ACSM4: variants seen among roughly 807,000 people sequenced by gnomAD.
ACSM4 encodes acyl-coenzyme A synthetase ACSM4, mitochondrial.
ACSM4 carries 66 observed loss-of-function variants against 73.0 expected under a neutral mutation model. The observed-to-expected ratio is 0.90, with a 90% CI of 0.74 to 1.11. The LOEUF (loss-of-function observed/expected upper bound fraction) is 1.11, where lower values mean the gene tolerates loss of function less well. Ranked by LOEUF, ACSM4 falls within the 50% of genes least tolerant of loss-of-function variation. The pLI is 0.00. For synonymous variants in ACSM4, 222 were observed against 254.0 expected (o/e 0.87, Z 1.20); for missense variants, 645 against 714.4 (o/e 0.90, Z 1.11).
At chr12:7,309,799 T>C (rs1167904093) in intron 2 of ACSM4, among the ~76,000 whole-genome samples, 3 of 152,192 alleles carry the variant, frequency 2.0e-5, no homozygotes, top group African/African-American at 7.2e-5. Flanking sequence ...TGTTTGTTTG[T>C]TTGAGACAGA....
Position 7,324,592 on chromosome 12 carries a change from C to T in ACSM4, c.1530C>T (p.Arg510=), listed in dbSNP as rs765852583. The T allele has an allele frequency of 1.1e-5, 18 of 1,613,616 alleles. No individual in the cohort carries two copies. Among genetic ancestry groups the T allele is most frequent in the Middle Eastern group, 1.6e-4 (1 of 6,082 alleles). The stretch of plus-strand genomic sequence containing the variant: ...TTGTCAGTAGTCCAGATCAAATCCG[C>T]GGAGAGGTAGATGAATGTCATTTAT... ...SAVVSSPDQI[R]GEVVKAFVVL... Residue 510 remains arginine (R), a synonymous_variant, in exon 11 of 13, where the codon CGC becomes CGT. Coordinates refer to ENST00000399422, the MANE Select transcript of ACSM4 (RefSeq NM_001080454.2).
At chr12:7,307,698 G>C (rs1013589746) in intron 2 of ACSM4, among the ~76,000 whole-genome samples, 1 of 152,096 alleles carries the variant, frequency 6.6e-6, no homozygotes, top group African/African-American at 2.4e-5. Flanking sequence ...TGTTGGTTGG[G>C]CATCTATTTA....
At chr12:7,317,314 C>CT in intron 4 of ACSM4, 34 bp downstream of exon 4, 1 of 1,534,604 alleles carries the variant, frequency 6.5e-7, no homozygotes, top group Non-Finnish European at 8.8e-7. Context: ...TTTTGGTGAA[C>CT]TCCCCCAAAG....
intron 5 of ACSM4, 157 bp downstream of exon 5, chr12:7,318,339 G>GT: frequency 1.2e-6 from 1 of 862,474 alleles, no homozygotes; most frequent in Non-Finnish European, 1.7e-6. Flanking sequence ...CTTTTGAAAC[G>GT]TATTTGACAG....
At chr12:7,327,983 T>C (rs1393637479) in intron 12 of ACSM4, among the ~76,000 whole-genome samples, 1 of 152,106 alleles carries the variant, frequency 6.6e-6, no homozygotes, top group East Asian at 1.9e-4. Flanking sequence ...AATCTCCATT[T>C]CTCGGGAACA....
Position 7,324,261 on chromosome 12 carries a change from C to G in ACSM4, c.1309-12C>G, listed in dbSNP as rs367744567. 7.5e-6 allele frequency: 12 copies of G among 1,610,710 alleles called. No homozygotes were observed. The African/African-American group carries it at 1.3e-4, about 18-fold the overall frequency. The stretch of plus-strand genomic sequence containing the variant: ...ACCAGACTAATCCCCAAATGTCATC[C>G]TTGGTTCCCAGGACAATCCACAGAA... On this transcript the variant is annotated splice_polypyrimidine_tract_variant and intron_variant, in intron 9 of 12. Transcript: ENST00000399422.
At chr12:7,323,800 G>A (rs770642628) in intron 9 of ACSM4, among the ~76,000 whole-genome samples, 2 of 152,124 alleles carry the variant, frequency 1.3e-5, no homozygotes, top group Non-Finnish European at 2.9e-5. Flanking sequence ...GTGCAGTTGG[G>A]GGGTGCTAGA....
At chr12:7,325,171 G>A (rs949649548) in intron 11 of ACSM4, among the ~76,000 whole-genome samples, 1 of 152,208 alleles carries the variant, frequency 6.6e-6, no homozygotes, top group Non-Finnish European at 1.5e-5. Flanking sequence ...TGGATCATAC[G>A]TCTATCCTTG....
rs1395277116 is a variant in ACSM4, at chr12:7,324,265, G to A, written c.1309-8G>A. ...GACTAATCCCCAAATGTCATCCTTGGTTCCCAGGACAATCCACAGAAAACT... is the reference window on the plus strand; with the variant it reads ...GACTAATCCCCAAATGTCATCCTTGATTCCCAGGACAATCCACAGAAAACT... On this transcript the variant is annotated splice_region_variant and splice_polypyrimidine_tract_variant and intron_variant, in intron 9 of 12. Coordinates refer to ENST00000399422, the MANE Select transcript of ACSM4 (RefSeq NM_001080454.2). 14 of 1,611,094 alleles carry A rather than the reference G, an allele frequency of 8.7e-6. No homozygotes were observed. Among genetic ancestry groups the A allele is most frequent in the Non-Finnish European group, 6.8e-6 (8 of 1,179,138 alleles).
intron 11 of ACSM4, among the ~76,000 whole-genome samples, chr12:7,325,128 T>C (rs2136339321): frequency 6.6e-6 from 1 of 152,346 alleles, no homozygotes; most frequent in Non-Finnish European, 1.5e-5. Flanking sequence ...ACCAATGTGG[T>C]TCAGAGACTG....
At chr12:7,310,076 C>T (rs934185943) in intron 2 of ACSM4, among the ~76,000 whole-genome samples, 7 of 152,186 alleles carry the variant, frequency 4.6e-5, no homozygotes, top group South Asian at 2.1e-4. Context: ...CCCAAGCCAC[C>T]GCGCCTGGCA....
intron 11 of ACSM4, among the ~76,000 whole-genome samples, chr12:7,326,432 A>C (rs1946506366): frequency 6.6e-6 from 1 of 151,934 alleles, no homozygotes; most frequent in African/African-American, 2.4e-5. Flanking sequence ...CTGGTTTCAA[A>C]CTCCGGGGCT....
chr12:7,318,203 A>G (rs1409947404), intron 5 of ACSM4, 21 bp downstream of exon 5: 1 of 1,610,342 alleles, frequency 6.2e-7, no homozygotes, highest in Admixed American at 1.7e-5. Flanking sequence ...TCCTCCAGCT[A>G]GATAGATCTT....
At chr12:7,322,579 G>A in intron 7 of ACSM4, 38 bp downstream of exon 7, 1 of 1,570,546 alleles carries the variant, frequency 6.4e-7, no homozygotes, top group Non-Finnish European at 8.6e-7. Context: ...TATATGTGGG[G>A]GCCTTTCTGC....
At chr12:7,328,229 C>A in intron 12 of ACSM4, 58 bp from the exon 13 acceptor site, 1 of 1,331,184 alleles carries the variant, frequency 7.5e-7, no homozygotes, top group Non-Finnish European at 1.0e-6. Context: ...CTTCCTATCG[C>A]ACGGACAATT....
intron 4 of ACSM4, 35 bp downstream of exon 4, chr12:7,317,315 T>TC: frequency 6.5e-7 from 1 of 1,533,418 alleles, no homozygotes. Flanking sequence ...TTTGGTGAAC[T>TC]CCCCCAAAGC....
chr12:7,305,604 C>A (rs1265928471), intron 1 of ACSM4, among the ~76,000 whole-genome samples: 1 of 152,136 alleles, frequency 6.6e-6, no homozygotes, highest in Non-Finnish European at 1.5e-5. Context: ...TCCAACAGAA[C>A]ATAAACCCAG....
intron 1 of ACSM4, among the ~76,000 whole-genome samples, chr12:7,305,821 C>T (rs112366215): frequency 6.6e-6 from 1 of 152,202 alleles, no homozygotes; most frequent in Admixed American, 6.5e-5. Flanking sequence ...ATAAAAGAAG[C>T]ATTCCAGATA....
At position 7,323,532 on chromosome 12, in the gene ACSM4, G is replaced by A. The variant is rs370829685; in HGVS notation, c.1280G>A (p.Arg427Gln). The A allele has an allele frequency of 1.6e-5, 26 of 1,613,466 alleles. No individual in the cohort carries two copies. Among genetic ancestry groups the A allele is most frequent in the African/African-American group, 2.7e-5 (2 of 74,872 alleles). ...GEIALRLKPT[R>Q]PFCFFSKYVD... ...ATTGCCCTCAGACTCAAACCTACACGGCCCTTCTGTTTCTTCTCTAAATAT... is the reference window on the plus strand; with the variant it reads ...ATTGCCCTCAGACTCAAACCTACACAGCCCTTCTGTTTCTTCTCTAAATAT... The change falls in exon 9 of 13, where the codon CGG becomes CAG. Residue 427 changes from arginine to glutamine, a missense_variant. Transcript: ENST00000399422.
Sources: gnomAD v4.1 joint callset for allele counts (sites outside exome capture counted in the v4.1 genomes callset) on GRCh38, gnomAD v4.1.1 for gene constraint, MANE v1.5 for transcripts, NCBI Gene and HGNC (gene_info 2026-07-23, HGNC 2026-07-21) for gene names.